Variants in STX10 observed in about 807,000 individuals in gnomAD.
STX10 encodes the protein syntaxin 10, also known as syntaxin-10.
In STX10, 35 loss-of-function variants were observed where a neutral mutation model predicts 34.1. The ratio of observed to expected loss-of-function variants is 1.03; its 90% CI spans 0.78 to 1.36. The LOEUF is 1.36. STX10 is among the 40% of genes most tolerant of loss of function. STX10 has a pLI of 0.00. For missense variants in STX10, 361 were observed against 335.5 expected, an observed-to-expected ratio of 1.08 and a Z score of -0.59; for synonymous variants, 155 against 132.9, an observed-to-expected ratio of 1.17 and a Z score of -1.15.
Position 13,149,585 on chromosome 19 carries a change from C to T in STX10, c.214G>A (p.Glu72Lys). 6.2e-7 allele frequency: 1 copy of T among 1,614,120 alleles called. No homozygotes were observed. Among genetic ancestry groups the T allele is most frequent in the Non-Finnish European group, 8.5e-7 (1 of 1,180,022 alleles). The change falls in exon 3 of 8, where the codon GAA becomes AAA. Residue 72 changes from glutamate (E) to lysine (K), a missense_variant. By Grantham distance (56) the Glu-to-Lys change is moderately conservative. Transcript: ENST00000587230. ...AGCTTGAACTTGCCTGGGTTGGCTT[C>T]CACTATACGTGGGCTGAGAGTCAAG... ...EDLEETIGIV[E>K]ANPGKFKLPA... is the part of the protein sequence containing the mutation.
At position 13,150,260 on chromosome 19, in the gene STX10, A is replaced by ACCCCCGCCC; in HGVS notation, c.-96_-88dup. ...TCCCAACCGAGGAGAACGCGCCGCC[A>ACCCCCGCCC]CCCCCGCCCCCGTCACGCCACCATC... On this transcript the variant is annotated 5_prime_UTR_variant, in exon 1 of 8. Coordinates refer to ENST00000587230, the MANE Select transcript of STX10 (RefSeq NM_003765.3). The surrounding 1 kb of genome is among the most constrained non-coding windows in gnomAD (Gnocchi z 4.0). 3.1e-6 allele frequency: 2 copies of ACCCCCGCCC among 651,444 alleles called. No homozygotes were observed. The highest frequency in any genetic ancestry group is 5.6e-6 in the Non-Finnish European group (2 of 354,346). 40.4% of individuals were successfully genotyped at this position (651,444 alleles called of 1,614,324 possible).
At chr19:13,149,207 TTC>T (rs1259500563) in intron 3 of STX10, 116 bp from the exon 4 acceptor site, 2 of 894,378 alleles carry the variant, frequency 2.2e-6, no homozygotes, top group Admixed American at 2.1e-5. Context: ...AGGTCAGGAG[TTC>T]GAGACCAGCC....
At position 13,150,121 on chromosome 19, in the gene STX10, C is replaced by T. The variant is rs1168282209; in HGVS notation, c.35+18G>A. Reference sequence around the variant, plus strand: ...GGGTACAGAGCACCCTCCGCCCTCCCCCGTCGTTGTCACTCACCCTCGGAC... The same window carrying T: ...GGGTACAGAGCACCCTCCGCCCTCCTCCGTCGTTGTCACTCACCCTCGGAC... On this transcript the variant is annotated intron_variant, in intron 1 of 7. Transcript: ENST00000587230. The surrounding 1 kb of genome is among the most constrained non-coding windows in gnomAD (Gnocchi z 4.0). 3.5e-6 allele frequency: 4 copies of T among 1,149,568 alleles called. No individual in the cohort carries two copies. The highest frequency in any genetic ancestry group is 3.6e-5 in the Admixed American group (2 of 54,840). 71.2% of individuals were successfully genotyped at this position (1,149,568 alleles called of 1,614,324 possible). A position where few individuals can be genotyped will look rare whatever the true frequency, so the allele number is the denominator to read the frequency against.
chr19:13,146,888 A>ACATCTGG (rs2019911360), intron 4 of STX10, among the ~76,000 whole-genome samples: 1 of 152,064 alleles, frequency 6.6e-6, no homozygotes. Context: ...CCAAGGCAGC[A>ACATCTGG]CATCTGGAAG....
intron 4 of STX10, among the ~76,000 whole-genome samples, chr19:13,146,526 T>A (rs2019903106): frequency 1.3e-5 from 2 of 151,480 alleles, no homozygotes; most frequent in South Asian, 4.2e-4. Flanking sequence ...TGAGCTACCA[T>A]GCCTGGCCCA....
At chr19:13,145,069 G>C (rs2019866474) in intron 5 of STX10, among the ~76,000 whole-genome samples, 199 bp from the exon 6 acceptor site, 1 of 152,018 alleles carries the variant, frequency 6.6e-6, no homozygotes, top group South Asian at 2.1e-4. Context: ...CATTGTGGTG[G>C]GCGCCTGTAA....
chr19:13,149,141 G>C (rs374440146), intron 3 of STX10, 50 bp from the exon 4 acceptor site: 7 of 1,506,142 alleles, frequency 4.6e-6, no homozygotes, highest in Non-Finnish European at 6.3e-6. Flanking sequence ...GCTGGGCGCG[G>C]TGGCTCACGC....
At chr19:13,149,245 C>G (rs1337027509) in intron 3 of STX10, among the ~76,000 whole-genome samples, 154 bp from the exon 4 acceptor site, 1 of 151,758 alleles carries the variant, frequency 6.6e-6, no homozygotes, top group Admixed American at 6.6e-5. Flanking sequence ...AACCCCGTCT[C>G]TACTAAAAAC....
At chr19:13,146,428 T>G (rs1405706086) in intron 4 of STX10, among the ~76,000 whole-genome samples, 1 of 152,150 alleles carries the variant, frequency 6.6e-6, no homozygotes, top group Admixed American at 6.6e-5. Flanking sequence ...AGTGATAGGG[T>G]TTCCCCATGT....
At chr19:13,146,217 A>T (rs1243758099) in intron 4 of STX10, among the ~76,000 whole-genome samples, 1 of 151,956 alleles carries the variant, frequency 6.6e-6, no homozygotes, top group Non-Finnish European at 1.5e-5. Flanking sequence ...AAATAAAATA[A>T]AATGGGAAGA....
In STX10 at chr19:13,150,024, C is replaced by G; in HGVS notation, c.35+115G>C. On this transcript the variant is annotated intron_variant, in intron 1 of 7. Coordinates refer to ENST00000587230, the MANE Select transcript of STX10 (RefSeq NM_003765.3). This position sits in a 1 kb window ranked among gnomAD's most constrained non-coding sequence, Gnocchi z 4.0. The stretch of plus-strand genomic sequence containing the variant: ...CCTATATACCCCTGCGTGCGCCTCC[C>G]ACTCTGCACCCCGACGGCCTTGCCC... The G allele has an allele frequency of 1.5e-6, 2 of 1,346,294 alleles. No individual in the cohort carries two copies. Among genetic ancestry groups the G allele is most frequent in the South Asian group, 1.2e-5 (1 of 80,034 alleles). The allele number at this position is 1,346,294 out of a possible 1,614,324, so 83.4% of individuals were successfully genotyped here.
In STX10 at chr19:13,150,161, C is replaced by T. The variant is rs371922437; in HGVS notation, c.13G>A (p.Asp5Asn). ...CACCCTCGGACTACAAAAAAGGGGT[C>T]TTCGAGAGACATGTCAGTCCCTTCC... MSLEDPFFVVRGEVQ... is the reference protein window; with the variant it reads MSLENPFFVVRGEVQ... Residue 5 changes from aspartate (D) to asparagine (N), a missense_variant, in exon 1 of 8, where the codon GAC (aspartate) becomes AAC (asparagine). Asp to Asn is a conservative substitution (Grantham distance 23). Transcript: ENST00000587230. This position sits in a 1 kb window ranked among gnomAD's most constrained non-coding sequence, Gnocchi z 4.0. 2.4e-5 allele frequency: 28 copies of T among 1,153,072 alleles called. No homozygotes were observed. The East Asian group carries it at 5.2e-4, about 22-fold the overall frequency. The allele number at this position is 1,153,072 out of a possible 1,614,324, so 71.4% of individuals were successfully genotyped here. A position where few individuals can be genotyped will look rare whatever the true frequency, so the allele number is the denominator to read the frequency against.
At chr19:13,147,026 G>A (rs953677715) in intron 4 of STX10, among the ~76,000 whole-genome samples, 2 of 149,718 alleles carry the variant, frequency 1.3e-5, no homozygotes, top group African/African-American at 4.9e-5. Context: ...AATATCAACA[G>A]AGAACACCAA....
Position 13,144,134 on chromosome 19 carries a change from C to CCAAA in STX10, c.*275_*276insTTTG. On this transcript the variant is annotated 3_prime_UTR_variant, in exon 8 of 8. Coordinates refer to ENST00000587230, the MANE Select transcript of STX10 (RefSeq NM_003765.3). ...CACAGGGGCAAATGGCTTTGGGGTC[C>CCAAA]TGGAACTGGAAATGGAGACAGGTGT... 1 of 513,256 alleles carries CCAAA rather than the reference C, an allele frequency of 1.9e-6. No homozygotes were observed. The highest frequency in any genetic ancestry group is 3.1e-5 in the East Asian group (1 of 32,696). 31.8% of individuals were successfully genotyped at this position (513,256 alleles called of 1,614,324 possible).
Position 13,144,230 on chromosome 19 carries a change from C to A in STX10, c.*180G>T. On this transcript the variant is annotated 3_prime_UTR_variant, in exon 8 of 8. Transcript: ENST00000587230. ...CAGGACCAGTGGTGGTGGTTCCAGC[C>A]CAGGGTCCTGAAGGGTCCCACTGGC... 2.5e-6 allele frequency: 2 copies of A among 808,300 alleles called. No homozygotes were observed. The highest frequency in any genetic ancestry group is 3.8e-6 in the Non-Finnish European group (2 of 525,540). The allele number at this position is 808,300 out of a possible 1,614,324, so 50.1% of individuals were successfully genotyped here. A position where few individuals can be genotyped will look rare whatever the true frequency, so the allele number is the denominator to read the frequency against.
rs2019841888 is a variant in STX10 at position 13,144,249 on chromosome 19, C to T, written c.*161G>A. On this transcript the variant is annotated 3_prime_UTR_variant, in exon 8 of 8. Transcript: ENST00000587230. ...TCCAGCCCAGGGTCCTGAAGGGTCC[C>T]ACTGGCTCTAGGGGAGAGCCATGGG... The T allele has an allele frequency of 2.1e-6, 2 of 968,836 alleles. No homozygotes were observed. The highest frequency in any genetic ancestry group is 2.6e-5 in the East Asian group (1 of 37,798). The allele number at this position is 968,836 out of a possible 1,614,324, so 60.0% of individuals were successfully genotyped here.
rs942719975 is a variant in STX10, at chr19:13,150,196, C to T, written c.-23G>A. On this transcript the variant is annotated 5_prime_UTR_variant, in exon 1 of 8. Coordinates refer to ENST00000587230, the MANE Select transcript of STX10 (RefSeq NM_003765.3). This position sits in a 1 kb window ranked among gnomAD's most constrained non-coding sequence, Gnocchi z 4.0. ...CATGTCAGTCCCTTCCCCCCCAGGC[C>T]GAACCCCCCTCCCGGCCTGGGTTCG... 2.5e-5 allele frequency: 24 copies of T among 944,984 alleles called. No individual in the cohort carries two copies. Among genetic ancestry groups the T allele is most frequent in the Admixed American group, 9.6e-5 (5 of 52,184 alleles). 58.5% of individuals were successfully genotyped at this position (944,984 alleles called of 1,614,324 possible).
Position 13,145,251 on chromosome 19 carries a change from T to C in STX10, c.471+37A>G, listed in dbSNP as rs1056589342. 3 of 1,581,818 alleles carry C rather than the reference T, an allele frequency of 1.9e-6. No homozygotes were observed. The East Asian group carries it at 6.7e-5, about 35-fold the overall frequency. The stretch of plus-strand genomic sequence containing the variant: ...CAGACCTCAGATCAGTCTGCAAGGC[T>C]CTCCCCTCCCAAGATCCACCCCGCT... On this transcript the variant is annotated intron_variant, in intron 5 of 7. Transcript: ENST00000587230.
chr19:13,144,833 A>G lies in STX10; in HGVS notation c.509T>C (p.Val170Ala). The G allele has an allele frequency of 6.2e-7, 1 of 1,613,964 alleles. No individual in the cohort carries two copies. Among genetic ancestry groups the G allele is most frequent in the African/African-American group, 1.3e-5 (1 of 75,042 alleles). ...MDEQDQQLEM[V>A]SGSIQVLKHM... ...CTTCAGAACCTGGATGCTCCCAGACACCATCTCCAGCTGTTGATCCTGTTC... is the reference window on the plus strand; with the variant it reads ...CTTCAGAACCTGGATGCTCCCAGACGCCATCTCCAGCTGTTGATCCTGTTC... The change falls in exon 6 of 8, where the codon GTG becomes GCG. Residue 170 changes from valine to alanine, a missense_variant. Physicochemically the swap from Val to Ala is moderately conservative, Grantham distance 64. Transcript: ENST00000587230.
Sources: gnomAD v4.1 joint callset for allele counts (sites outside exome capture counted in the v4.1 genomes callset) on GRCh38, gnomAD v4.1.1 for gene constraint, Gnocchi (gnomAD v3.1) non-coding constraint, MANE v1.5 for transcripts, NCBI Gene and HGNC (gene_info 2026-07-23, HGNC 2026-07-21) for gene names.